Variants in MDGA2 observed in about 807,000 individuals in gnomAD.
The protein encoded by MDGA2 is MAM domain containing glycosylphosphatidylinositol anchor 2, also known as MAM domain-containing glycosylphosphatidylinositol anchor protein 2.
Under a neutral mutation model 117.8 loss-of-function variants are expected in MDGA2, and 40 were observed. The observed-to-expected ratio is 0.34, with a 90% confidence interval of 0.26 to 0.44. The LOEUF (loss-of-function observed/expected upper bound fraction) is 0.44. Ranked by LOEUF, MDGA2 falls within the 20% of genes least tolerant of loss-of-function variation. The pLI is 1.00. For synonymous variants in MDGA2, 452 were observed against 439.0 expected, an observed-to-expected ratio of 1.03 and a Z score of -0.37; for missense variants, 1,123 against 1,250.6, an observed-to-expected ratio of 0.90 and a Z score of 1.54.
chr14:47,591,405 C>T (rs1442633891), intron 1 of MDGA2, among the ~76,000 whole-genome samples: 2 of 152,058 alleles, frequency 1.3e-5, no homozygotes, highest in Non-Finnish European at 2.9e-5. Flanking sequence ...GAAACCATTC[C>T]AAACAATTTA....
intron 2 of MDGA2, among the ~76,000 whole-genome samples, chr14:47,222,928 T>A (rs189579942): frequency 3.5e-4 from 54 of 152,338 alleles, no homozygotes; most frequent in Non-Finnish European, 2.9e-5. Context: ...GAGTCTGTTT[T>A]CACGCTGCCT....
At chr14:47,451,743 G>C (rs1434510592) in intron 1 of MDGA2, among the ~76,000 whole-genome samples, 1 of 151,974 alleles carries the variant, frequency 6.6e-6, no homozygotes, top group African/African-American at 2.4e-5. Context: ...CCTGCCCAGT[G>C]GATTTTTTTA....
intron 1 of MDGA2, among the ~76,000 whole-genome samples, chr14:47,444,759 T>C (rs1893086548): frequency 6.6e-6 from 1 of 152,110 alleles, no homozygotes; most frequent in Non-Finnish European, 1.5e-5. Flanking sequence ...GATGTAATGG[T>C]CACTAAGCCT....
chr14:47,075,829 G>C (rs1341811842), intron 6 of MDGA2, among the ~76,000 whole-genome samples: 1 of 151,864 alleles, frequency 6.6e-6, no homozygotes, highest in Non-Finnish European at 1.5e-5. Context: ...AAAATCAGCT[G>C]GTTTATTGTT....
intron 3 of MDGA2, among the ~76,000 whole-genome samples, chr14:47,180,092 G>T (rs148326856): frequency 6.6e-6 from 1 of 151,962 alleles, no homozygotes; most frequent in Non-Finnish European, 1.5e-5. Flanking sequence ...GTAAAATTGC[G>T]TCATGGGGGT....
chr14:47,510,085 G>C (rs1403427540), intron 1 of MDGA2, among the ~76,000 whole-genome samples: 1 of 152,106 alleles, frequency 6.6e-6, no homozygotes, highest in Non-Finnish European at 1.5e-5. Context: ...AATTGTGATG[G>C]TAACAGGAGG....
At chr14:47,496,129 T>C (rs1388834892) in intron 1 of MDGA2, among the ~76,000 whole-genome samples, 2 of 152,168 alleles carry the variant, frequency 1.3e-5, no homozygotes, top group African/African-American at 2.4e-5. Flanking sequence ...ATTTTTATAA[T>C]GGACCAAAAA....
chr14:47,100,079 A>T (rs929147847), intron 5 of MDGA2, among the ~76,000 whole-genome samples: 5 of 152,076 alleles, frequency 3.3e-5, no homozygotes, highest in African/African-American at 9.7e-5. Flanking sequence ...TTGACTTTTG[A>T]AAGTCCTATA....
chr14:47,328,331 A>C (rs979439448), intron 1 of MDGA2, among the ~76,000 whole-genome samples: 1 of 152,100 alleles, frequency 6.6e-6, no homozygotes. Flanking sequence ...TATTTCTACT[A>C]ACTCAGGGAA....
chr14:47,610,923 C>A (rs1352324896), intron 1 of MDGA2, among the ~76,000 whole-genome samples: 2 of 151,956 alleles, frequency 1.3e-5, no homozygotes, highest in African/African-American at 2.4e-5. Context: ...GCAAAAAGGA[C>A]AAATCTGAGG....
At chr14:47,429,520 T>C (rs534267129) in intron 1 of MDGA2, among the ~76,000 whole-genome samples, 16 of 152,274 alleles carry the variant, frequency 1.1e-4, no homozygotes, top group African/African-American at 3.8e-4. Context: ...GGGAAAGTCT[T>C]ATTCTTTTTA....
intron 10 of MDGA2, among the ~76,000 whole-genome samples, chr14:46,911,787 TA>T (rs1161822791): frequency 1.3e-5 from 2 of 152,184 alleles, no homozygotes; most frequent in African/African-American, 4.8e-5. Context: ...CTTATAATAT[TA>T]AACATAAAAT....
rs184453991 is a variant in MDGA2, at chr14:47,405,186, G to A, written c.281-103636C>T. 3.4e-3 allele frequency among the ~76,000 whole-genome samples: 521 copies of A among 152,234 alleles called. 3 individuals are homozygous for A. Among genetic ancestry groups the A allele is most frequent in the South Asian group, 0.025 (120 of 4,824 alleles). ...TATGCGGCTTTATCAAAAGTACAAAGTAATTAATTAAAATCCTTTTTAAAT... is the reference window on the plus strand; with the variant it reads ...TATGCGGCTTTATCAAAAGTACAAAATAATTAATTAAAATCCTTTTTAAAT... On this transcript the variant is annotated intron_variant, in intron 1 of 16. Coordinates refer to ENST00000399232, the MANE Select transcript of MDGA2 (RefSeq NM_001113498.3).
intron 1 of MDGA2, among the ~76,000 whole-genome samples, chr14:47,453,076 T>C (rs1184212469): frequency 6.6e-6 from 1 of 152,056 alleles, no homozygotes; most frequent in Admixed American, 6.5e-5. Flanking sequence ...TCTCATTTTC[T>C]AATAAAGTTT....
chr14:47,610,019 G>A (rs890370373), intron 1 of MDGA2, among the ~76,000 whole-genome samples: 1 of 151,852 alleles, frequency 6.6e-6, no homozygotes, highest in Admixed American at 6.6e-5. Flanking sequence ...TTCATACCAG[G>A]GAAGTCAATA....
intron 3 of MDGA2, among the ~76,000 whole-genome samples, chr14:47,213,965 T>C (rs955559487): frequency 1.3e-5 from 2 of 152,052 alleles, no homozygotes; most frequent in African/African-American, 2.4e-5. Flanking sequence ...AGAGTACCTT[T>C]TTGGCGAGTA....
At chr14:47,096,341 C>A (rs1025692185) in intron 6 of MDGA2, among the ~76,000 whole-genome samples, 1 of 151,858 alleles carries the variant, frequency 6.6e-6, no homozygotes, top group Non-Finnish European at 1.5e-5. Flanking sequence ...TTTAGAACAC[C>A]GTATCATATG....
chr14:46,962,260 T>A (rs969290659), intron 8 of MDGA2, among the ~76,000 whole-genome samples: 1 of 152,138 alleles, frequency 6.6e-6, no homozygotes, highest in South Asian at 2.1e-4. Flanking sequence ...TAACTATAAT[T>A]TCAAGAATGG....
intron 8 of MDGA2, among the ~76,000 whole-genome samples, chr14:46,962,290 C>T (rs898346500): frequency 2.0e-5 from 3 of 152,122 alleles, no homozygotes; most frequent in Non-Finnish European, 2.9e-5. Flanking sequence ...TCATCCCATC[C>T]TGTTCATTTC....
Sources: allele counts gnomAD v4.1 joint callset (sites outside exome capture counted in the v4.1 genomes callset), GRCh38; gene constraint gnomAD v4.1.1; transcripts MANE v1.5; gene names NCBI Gene and HGNC (gene_info 2026-07-23, HGNC 2026-07-21).